The following PRC1 variants were observed in gnomAD, a reference collection of about 807,000 sequenced individuals.
PRC1 encodes the protein anaphase spindle elongation 1 homolog.
PRC1 carries 54 observed loss-of-function variants against 91.2 expected under a neutral mutation model. The ratio of observed to expected loss-of-function variants is 0.59; its 90% CI spans 0.48 to 0.74. The LOEUF (loss-of-function observed/expected upper bound fraction) is 0.74, where lower values mean the gene tolerates loss of function less well. Ranked by LOEUF, PRC1 falls within the 30% of genes least tolerant of loss-of-function variation. The probability of loss-of-function intolerance (pLI) is 0.00; values close to 1 mark genes in which losing one functional copy is unlikely to be tolerated. For missense variants in PRC1, 727 were observed against 746.2 expected, an observed-to-expected ratio of 0.97 and a Z score of 0.30; for synonymous variants, 275 against 263.6, an observed-to-expected ratio of 1.04 and a Z score of -0.42.
At chr15:90,981,713 G>A (rs535476660) in intron 4 of PRC1, 35 bp downstream of exon 4, 8 of 1,608,762 alleles carry the variant, frequency 5.0e-6, no homozygotes, top group African/African-American at 4.0e-5. Context: ...GAAAACCAAA[G>A]TGACTTTTAG....
rs2038032903 is a variant in PRC1 at position 90,970,569 on chromosome 15, A to G, written c.1462-55T>C. The G allele has an allele frequency of 4.7e-6, 6 of 1,281,372 alleles. No individual in the cohort carries two copies. In the South Asian group the frequency reaches 7.3e-5, roughly 16 times the overall value. The allele number at this position is 1,281,372 out of a possible 1,614,324, so 79.4% of individuals were successfully genotyped here. On this transcript the variant is annotated intron_variant, in intron 11 of 14. Coordinates refer to ENST00000394249, the MANE Select transcript of PRC1 (RefSeq NM_003981.4). ...GTGCAGTAACATCCTCAGCATTTCTAGCAACCTGTCTACCCTACAGAGAAA... is the reference window on the plus strand; with the variant it reads ...GTGCAGTAACATCCTCAGCATTTCTGGCAACCTGTCTACCCTACAGAGAAA...
At chr15:90,978,610 G>A (rs988955633) in intron 8 of PRC1, among the ~76,000 whole-genome samples, 2 of 151,902 alleles carry the variant, frequency 1.3e-5, no homozygotes, top group African/African-American at 4.8e-5. Flanking sequence ...AAAATTAGCC[G>A]GGTGTGGTGG....
At chr15:90,992,957 C>T (rs1433454993) in intron 1 of PRC1, among the ~76,000 whole-genome samples, 1 of 148,444 alleles carries the variant, frequency 6.7e-6, no homozygotes, top group Non-Finnish European at 1.5e-5. Flanking sequence ...TTTCGGGGAT[C>T]GATAACCATA....
In PRC1 at chr15:90,984,959, CTTAATTCACCTTT is replaced by C; in HGVS notation, c.12-147_12-135del. 9.2e-7 allele frequency: 1 copy of C among 1,084,928 alleles called. No individual in the cohort carries two copies. Among genetic ancestry groups the C allele is most frequent in the Non-Finnish European group, 1.3e-6 (1 of 761,734 alleles). 67.2% of individuals were successfully genotyped at this position (1,084,928 alleles called of 1,614,324 possible). A position where few individuals can be genotyped will look rare whatever the true frequency, so the allele number is the denominator to read the frequency against. On this transcript the variant is annotated intron_variant, in intron 1 of 14. Coordinates refer to ENST00000394249, the MANE Select transcript of PRC1 (RefSeq NM_003981.4). This position sits in a 1 kb window ranked among gnomAD's most constrained non-coding sequence, Gnocchi z 5.1. ...AAACAAATTGAAAACAAGCATTCAG[CTTAATTCACCTTT>C]AACCACTCCCCATCCCTTTTCCTAC... is the stretch of plus-strand genomic sequence containing the variant.
intron 1 of PRC1, among the ~76,000 whole-genome samples, chr15:90,986,394 C>T (rs187309139): frequency 9.2e-5 from 14 of 152,270 alleles, no homozygotes; most frequent in African/African-American, 2.9e-4. Flanking sequence ...TCTGGGAGGC[C>T]GAGGGGAGCA....
At chr15:90,991,402 G>A (rs2039973673) in intron 1 of PRC1, among the ~76,000 whole-genome samples, 1 of 151,094 alleles carries the variant, frequency 6.6e-6, no homozygotes, top group Non-Finnish European at 1.5e-5. Flanking sequence ...TCCAGCCTGG[G>A]CAACAGAGCA....
intron 1 of PRC1, among the ~76,000 whole-genome samples, chr15:90,990,510 G>A (rs1240056505): frequency 2.0e-5 from 3 of 151,444 alleles, no homozygotes; most frequent in African/African-American, 4.9e-5. Flanking sequence ...ATAGGTGTGC[G>A]CCACCTTGCC....
Position 90,974,322 on chromosome 15 carries a change from G to A in PRC1, c.1351-76C>T, listed in dbSNP as rs560798533. 1.5e-5 allele frequency: 19 copies of A among 1,292,316 alleles called. No individual in the cohort carries two copies. Among genetic ancestry groups the A allele is most frequent in the East Asian group, 9.2e-5 (4 of 43,344 alleles). The allele number at this position is 1,292,316 out of a possible 1,614,324, so 80.1% of individuals were successfully genotyped here. On this transcript the variant is annotated intron_variant, in intron 10 of 14. Coordinates refer to ENST00000394249, the MANE Select transcript of PRC1 (RefSeq NM_003981.4). This position sits in a 1 kb window ranked among gnomAD's most constrained non-coding sequence, Gnocchi z 4.6. ...CTGGGATGGCAACAGCAGCAGGGCC[G>A]GGAATCTAGGCCCGTGTCTCTACAG...
At chr15:90,969,368 G>A in intron 13 of PRC1, 79 bp downstream of exon 13, 6 of 1,486,090 alleles carry the variant, frequency 4.0e-6, no homozygotes, top group Non-Finnish European at 3.7e-6. Context: ...TAATAGCCTG[G>A]GTGCCCCTGG....
At chr15:90,990,487 A>C (rs1318538967) in intron 1 of PRC1, among the ~76,000 whole-genome samples, 8 of 151,534 alleles carry the variant, frequency 5.3e-5, no homozygotes, top group Non-Finnish European at 1.0e-4. Context: ...TGGGCTCCCA[A>C]AGTGCTGGAA....
chr15:90,980,370 C>A lies in PRC1; in HGVS notation c.842G>T (p.Arg281Leu), dbSNP rs146537637. The change falls in exon 7 of 15, where the codon CGG becomes CTG. Residue 281 changes from arginine (R) to leucine (L), a missense_variant. Coordinates refer to ENST00000394249, the MANE Select transcript of PRC1 (RefSeq NM_003981.4). ...GTTTTGCATTTTCAGTTCTTCCAAC[C>A]GATCCACTTCTAATTGCAGCTGAAA... The part of the protein sequence containing the change: ...VRKALQLEVD[R>L]LEELKMQNMK... 6.2e-7 allele frequency: 1 copy of A among 1,613,794 alleles called. No individual in the cohort carries two copies. Among genetic ancestry groups the A allele is most frequent in the South Asian group, 1.1e-5 (1 of 91,010 alleles).
At chr15:90,987,491 C>G (rs2039669924) in intron 1 of PRC1, 1 of 152,096 alleles carries the variant, frequency 6.6e-6, no homozygotes, top group South Asian at 2.1e-4. Context: ...CTTATTTTAA[C>G]AAAAAATTAT....
chr15:90,987,091 T>C (rs1012292165), intron 1 of PRC1, among the ~76,000 whole-genome samples: 11 of 136,230 alleles, frequency 8.1e-5, no homozygotes, highest in Admixed American at 3.9e-4. Flanking sequence ...CTGGGCAACA[T>C]AGTGAGACTC....
intron 1 of PRC1, among the ~76,000 whole-genome samples, chr15:90,988,986 C>T (rs955030805): frequency 1.1e-4 from 17 of 152,202 alleles, no homozygotes; most frequent in Admixed American, 9.8e-4. Context: ...GTAAAAAAAT[C>T]TAGCACAATG....
chr15:90,982,409 G>T (rs1786764171), intron 3 of PRC1, among the ~76,000 whole-genome samples: 1 of 152,002 alleles, frequency 6.6e-6, no homozygotes, highest in Non-Finnish European at 1.5e-5. Flanking sequence ...TCTACCTTTT[G>T]TCTCTATGAT....
At chr15:90,968,385 G>A in intron 14 of PRC1, 1 of 985,540 alleles carries the variant, frequency 1.0e-6, no homozygotes, top group Non-Finnish European at 1.2e-6. Flanking sequence ...ATTAAGAGGG[G>A]AGGCAGGCTA....
chr15:90,970,953 T>C (rs1224719997), intron 11 of PRC1, among the ~76,000 whole-genome samples: 1 of 152,222 alleles, frequency 6.6e-6, no homozygotes, highest in South Asian at 2.1e-4. Context: ...GGAATGAATA[T>C]TGATCTACAA....
At position 90,968,546 on chromosome 15, in the gene PRC1, T is replaced by G. The variant is rs116423973; in HGVS notation, c.1791+533A>C. Reference sequence around the variant, plus strand: ...GGATACTAGGAAGTGAAGAGCATTCTGGAAAAACTTGCTTCCAGTGCTTCA... The same window carrying G: ...GGATACTAGGAAGTGAAGAGCATTCGGGAAAAACTTGCTTCCAGTGCTTCA... On this transcript the variant is annotated intron_variant, in intron 14 of 14. Coordinates refer to ENST00000394249, the MANE Select transcript of PRC1 (RefSeq NM_003981.4). 1.8e-4 allele frequency: 174 copies of G among 991,234 alleles called. No individual in the cohort carries two copies. In the African/African-American group the frequency reaches 2.8e-3, roughly 16 times the overall value. The allele number at this position is 991,234 out of a possible 1,614,324, so 61.4% of individuals were successfully genotyped here. A position where few individuals can be genotyped will look rare whatever the true frequency, so the allele number is the denominator to read the frequency against.
chr15:90,986,714 T>A (rs950472447), intron 1 of PRC1, among the ~76,000 whole-genome samples: 7 of 152,136 alleles, frequency 4.6e-5, no homozygotes, highest in African/African-American at 1.7e-4. Flanking sequence ...TTATTTATTT[T>A]ACTTTTTTGG....
Sources: allele counts gnomAD v4.1 joint callset (sites outside exome capture counted in the v4.1 genomes callset), GRCh38; gene constraint gnomAD v4.1.1; non-coding constraint Gnocchi (gnomAD v3.1); transcripts MANE v1.5; gene names NCBI Gene and HGNC (gene_info 2026-07-23, HGNC 2026-07-21).